Variants in ACOX2 observed in about 807,000 individuals in gnomAD.
The protein encoded by ACOX2 is acyl-CoA oxidase 2, also known as peroxisomal acyl-coenzyme A oxidase 2.
A neutral mutation model predicts 77.5 loss-of-function variants in ACOX2; 59 were observed. The ratio of observed to expected loss-of-function variants is 0.76; its 90% CI spans 0.62 to 0.95. The LOEUF (loss-of-function observed/expected upper bound fraction) is 0.95. ACOX2 is among the 40% of genes least tolerant of loss of function. ACOX2 has a pLI of 0.00. For synonymous variants in ACOX2, 317 were observed against 340.1 expected (o/e 0.93, Z 0.75); for missense variants, 837 against 880.4 (o/e 0.95, Z 0.62).
At chr3:58,511,165 C>T in intron 13 of ACOX2, 1 of 389,270 alleles carries the variant, frequency 2.6e-6, no homozygotes, top group Non-Finnish European at 5.1e-6. Context: ...CCCTCCTTGT[C>T]TACTAGATGT....
At position 58,531,805 on chromosome 3, in the gene ACOX2, C is replaced by T; in HGVS notation, c.591G>A (p.Arg197=). The change falls in exon 6 of 15, where the codon CGG becomes CGA. Residue 197 remains arginine, a synonymous_variant. Transcript: ENST00000302819. The surrounding 1 kb of genome is among the most constrained non-coding windows in gnomAD (Gnocchi z 5.8). ...ATKWWPGDLG[R]SATHALVQAQ... ...CCTGGACCAGGGCATGGGTGGCTGA[C>T]CGTCCCACTGAGGGCAGAGAGAGTA... is the stretch of plus-strand genomic sequence containing the variant. 6.2e-7 allele frequency: 1 copy of T among 1,613,580 alleles called. No individual in the cohort carries two copies. Among genetic ancestry groups the T allele is most frequent in the Non-Finnish European group, 8.5e-7 (1 of 1,179,822 alleles).
Position 58,531,630 on chromosome 3 carries a change from G to C in ACOX2, c.703+63C>G. The C allele has an allele frequency of 6.3e-7, 1 of 1,587,096 alleles. No individual in the cohort carries two copies. On this transcript the variant is annotated intron_variant, in intron 6 of 14. Transcript: ENST00000302819. This position sits in a 1 kb window ranked among gnomAD's most constrained non-coding sequence, Gnocchi z 5.8. ...CTCCTGTGGCCCTCTGGGGCCCCAG[G>C]TCAGGGAGGCCACCTGGGCTCTCCT... is the stretch of plus-strand genomic sequence containing the variant.
At chr3:58,508,810 A>G in intron 14 of ACOX2, 83 bp downstream of exon 14, 3 of 1,542,402 alleles carry the variant, frequency 1.9e-6, no homozygotes, top group East Asian at 4.5e-5. Flanking sequence ...ACGGGAATCA[A>G]TTAAAATGGG....
chr3:58,524,285 A>G lies in ACOX2; in HGVS notation c.1526+141T>C. On this transcript the variant is annotated intron_variant, in intron 11 of 14. Transcript: ENST00000302819. This position sits in a 1 kb window ranked among gnomAD's most constrained non-coding sequence, Gnocchi z 5.5. ...CCCTCTCTCTGCCCATGGTGGCAGG[A>G]ACTGAGAGGACCGGGGAGGCTAGGC... The G allele has an allele frequency of 9.3e-7, 1 of 1,078,720 alleles. No homozygotes were observed. Among genetic ancestry groups the G allele is most frequent in the East Asian group, 2.6e-5 (1 of 38,298 alleles). 66.8% of individuals were successfully genotyped at this position (1,078,720 alleles called of 1,614,324 possible). A position where few individuals can be genotyped will look rare whatever the true frequency, so the allele number is the denominator to read the frequency against.
intron 13 of ACOX2, among the ~76,000 whole-genome samples, chr3:58,509,629 A>AGACAGAG (rs2063263368): frequency 2.5e-5 from 1 of 39,320 alleles, no homozygotes; most frequent in Non-Finnish European, 5.5e-5. Context: ...TTTTTTTTTG[A>AGACAGAG]TACAGAGTCT....
chr3:58,534,743 C>T lies in ACOX2; in HGVS notation c.160+204G>A, dbSNP rs559350392. ...GGACCAGAATCCAGGTCTTCTGCTG[C>T]CTAGGACTCTTCTATCCCCTAGGTG... is the stretch of plus-strand genomic sequence containing the variant. On this transcript the variant is annotated intron_variant, in intron 2 of 14. Coordinates refer to ENST00000302819, the MANE Select transcript of ACOX2 (RefSeq NM_003500.4). This position sits in a 1 kb window ranked among gnomAD's most constrained non-coding sequence, Gnocchi z 4.8. 2 of 1,335,550 alleles carry T rather than the reference C, an allele frequency of 1.5e-6. No individual in the cohort carries two copies. Among genetic ancestry groups the T allele is most frequent in the Admixed American group, 1.9e-5 (1 of 51,922 alleles). The allele number at this position is 1,335,550 out of a possible 1,614,324, so 82.7% of individuals were successfully genotyped here. A position where few individuals can be genotyped will look rare whatever the true frequency, so the allele number is the denominator to read the frequency against.
rs954818327 is a variant in ACOX2, at chr3:58,519,886, C to A, written c.1633-2463G>T. Among the ~76,000 whole-genome samples the A allele has an allele frequency of 6.6e-6, 1 of 152,226 alleles. No individual in the cohort carries two copies. Among genetic ancestry groups the A allele is most frequent in the Admixed American group, 6.5e-5 (1 of 15,288 alleles). ...GGTCCAGCTTGGCAGAACTGCGGAC[C>A]CGCACTCCTTTTCCTGTCCTAATCT... On this transcript the variant is annotated intron_variant, in intron 12 of 14. Transcript: ENST00000302819. This position sits in a 1 kb window ranked among gnomAD's most constrained non-coding sequence, Gnocchi z 5.0.
Position 58,522,357 on chromosome 3 carries a change from A to T in ACOX2, c.1632+139T>A. 1.3e-6 allele frequency: 1 copy of T among 746,798 alleles called. No individual in the cohort carries two copies. The highest frequency in any genetic ancestry group is 2.2e-6 in the Non-Finnish European group (1 of 449,700). 46.3% of individuals were successfully genotyped at this position (746,798 alleles called of 1,614,324 possible). A position where few individuals can be genotyped will look rare whatever the true frequency, so the allele number is the denominator to read the frequency against. Reference sequence around the variant, plus strand: ...TCCTTTAATTAAAATACCCTGGACTAAAGCCTTGGAAGTGAAATGAGGGCA... The same window carrying T: ...TCCTTTAATTAAAATACCCTGGACTTAAGCCTTGGAAGTGAAATGAGGGCA... On this transcript the variant is annotated intron_variant, in intron 12 of 14. Transcript: ENST00000302819. This position sits in a 1 kb window ranked among gnomAD's most constrained non-coding sequence, Gnocchi z 4.3.
chr3:58,524,551 CTG>C lies in ACOX2; in HGVS notation c.1399_1400del (p.Gln467GlufsTer14). 3.1e-6 allele frequency: 5 copies of C among 1,614,198 alleles called. No individual in the cohort carries two copies. The highest frequency in any genetic ancestry group is 4.2e-6 in the Non-Finnish European group (5 of 1,180,034). ...ATGCGACAGATGGAGAGAGAGATCT[CTG>C]TGGCGTGGAGCCAGGGGACATCTGA... The part of the protein sequence containing the change: ...QTQMSPGSTP[Q>X]RSLSPSVAYL... On this transcript the variant is annotated frameshift_variant, in exon 11 of 15. Transcript: ENST00000302819. LOFTEE classifies it high-confidence loss of function. The surrounding 1 kb of genome is among the most constrained non-coding windows in gnomAD (Gnocchi z 5.5).
rs777468030 is a variant in ACOX2 at position 58,522,562 on chromosome 3, C to T, written c.1566G>A (p.Thr522=). The change falls in exon 12 of 15, where the codon ACG becomes ACA. Residue 522 remains threonine, a synonymous_variant. Transcript: ENST00000302819. The surrounding 1 kb of genome is among the most constrained non-coding windows in gnomAD (Gnocchi z 4.3). Reference sequence around the variant, plus strand: ...CCTCGTGCTGGTCAGCTCCGGATTGCGTCAGGGTCTGTAAATGCTGCACTG... The same window carrying T: ...CCTCGTGCTGGTCAGCTCCGGATTGTGTCAGGGTCTGTAAATGCTGCACTG... ...KDSVQHLQTL[T]QSGADQHEAW... 30 of 1,614,030 alleles carry T rather than the reference C, an allele frequency of 1.9e-5. No homozygotes were observed. The highest frequency in any genetic ancestry group is 2.5e-5 in the Non-Finnish European group (29 of 1,180,032).
At position 58,531,909 on chromosome 3, in the gene ACOX2, C is replaced by T; in HGVS notation, c.584-97G>A. ...CTGGGGCTGGGGTTTTGGATGGGTA[C>T]CTCTGGGGCCCTGAAAAGTCACTGA... On this transcript the variant is annotated intron_variant, in intron 5 of 14. Coordinates refer to ENST00000302819, the MANE Select transcript of ACOX2 (RefSeq NM_003500.4). This position sits in a 1 kb window ranked among gnomAD's most constrained non-coding sequence, Gnocchi z 5.8. 1 of 1,438,006 alleles carries T rather than the reference C, an allele frequency of 7.0e-7. No homozygotes were observed. Among genetic ancestry groups the T allele is most frequent in the East Asian group, 2.5e-5 (1 of 40,232 alleles). The allele number at this position is 1,438,006 out of a possible 1,614,324, so 89.1% of individuals were successfully genotyped here. A position where few individuals can be genotyped will look rare whatever the true frequency, so the allele number is the denominator to read the frequency against.
rs2063357093 is a variant in ACOX2, at chr3:58,521,333, C to T, written c.1632+1163G>A. 6.6e-6 allele frequency among the ~76,000 whole-genome samples: 1 copy of T among 152,210 alleles called. No homozygotes were observed. Among genetic ancestry groups the T allele is most frequent in the African/African-American group, 2.4e-5 (1 of 41,450 alleles). On this transcript the variant is annotated intron_variant, in intron 12 of 14. Transcript: ENST00000302819. This position sits in a 1 kb window ranked among gnomAD's most constrained non-coding sequence, Gnocchi z 4.8. ...TCAGGGCTCTCCTGTTCCAAGGCTGCCATTTTCTGGGTCTGAGGCCTGAGG... is the reference window on the plus strand; with the variant it reads ...TCAGGGCTCTCCTGTTCCAAGGCTGTCATTTTCTGGGTCTGAGGCCTGAGG...
At chr3:58,510,444 C>T (rs2063270157) in intron 13 of ACOX2, among the ~76,000 whole-genome samples, 1 of 151,034 alleles carries the variant, frequency 6.6e-6, no homozygotes, top group South Asian at 2.1e-4. Flanking sequence ...ACCAGCCTGG[C>T]CAACATGGCG....
At chr3:58,532,714 G>T (rs1205723955) in intron 5 of ACOX2, among the ~76,000 whole-genome samples, 1 of 152,064 alleles carries the variant, frequency 6.6e-6, no homozygotes, top group Non-Finnish European at 1.5e-5. Flanking sequence ...TCTGGTCTCT[G>T]CCTGTGTCTC....
In ACOX2 at chr3:58,524,966, G is replaced by C. The variant is rs1324223934; in HGVS notation, c.1347-361C>G. On this transcript the variant is annotated intron_variant, in intron 10 of 14. Coordinates refer to ENST00000302819, the MANE Select transcript of ACOX2 (RefSeq NM_003500.4). This position sits in a 1 kb window ranked among gnomAD's most constrained non-coding sequence, Gnocchi z 5.5. Reference sequence around the variant, plus strand: ...AATTAAATTTTCTTAGCTGAAAAAAGAAGGATAGAGGCAAGAATGCTAACA... The same window carrying C: ...AATTAAATTTTCTTAGCTGAAAAAACAAGGATAGAGGCAAGAATGCTAACA... Among the ~76,000 whole-genome samples, 1 of 152,202 alleles carries C rather than the reference G, an allele frequency of 6.6e-6. No homozygotes were observed. The highest frequency in any genetic ancestry group is 1.5e-5 in the Non-Finnish European group (1 of 68,034).
In ACOX2 at chr3:58,533,476, C is replaced by T. The variant is rs779275491; in HGVS notation, c.552G>A (p.Thr184=). ...ATQEFVIHSP[T]LTATKWWPGD... ...CAGGCCACCATTTGGTGGCAGTCAG[C>T]GTGGGGCTGTGTATCACAAACTCCT... The change falls in exon 5 of 15, where the codon ACG becomes ACA. Residue 184 remains threonine (T), a synonymous_variant. Coordinates refer to ENST00000302819, the MANE Select transcript of ACOX2 (RefSeq NM_003500.4). The surrounding 1 kb of genome is among the most constrained non-coding windows in gnomAD (Gnocchi z 5.6). The T allele has an allele frequency of 1.3e-5, 21 of 1,613,754 alleles. No homozygotes were observed. In the East Asian group the frequency reaches 2.7e-4, roughly 21 times the overall value.
chr3:58,531,768 A>G lies in ACOX2; in HGVS notation c.628T>C (p.Cys210Arg), dbSNP rs2063441990. Reference sequence around the variant, plus strand: ...TGCATGCCCCGCCTGGCTCCTGAGCAGATCAGCTGGGCCTGGACCAGGGCA... The same window carrying G: ...TGCATGCCCCGCCTGGCTCCTGAGCGGATCAGCTGGGCCTGGACCAGGGCA... ...THALVQAQLI[C>R]SGARRGMHAF... The change falls in exon 6 of 15, where the codon TGC becomes CGC. Residue 210 changes from cysteine to arginine, a missense_variant. Transcript: ENST00000302819. This position sits in a 1 kb window ranked among gnomAD's most constrained non-coding sequence, Gnocchi z 5.8. 6.2e-7 allele frequency: 1 copy of G among 1,614,170 alleles called. No homozygotes were observed. The highest frequency in any genetic ancestry group is 8.5e-7 in the Non-Finnish European group (1 of 1,180,016).
Position 58,533,745 on chromosome 3 carries a change from T to G in ACOX2, c.476-193A>C, listed in dbSNP as rs1042279177. 1 of 666,516 alleles carries G rather than the reference T, an allele frequency of 1.5e-6. No individual in the cohort carries two copies. Among genetic ancestry groups the G allele is most frequent in the African/African-American group, 1.8e-5 (1 of 54,868 alleles). The allele number at this position is 666,516 out of a possible 1,614,324, so 41.3% of individuals were successfully genotyped here. ...GGGACACACAGTCCCCTATAGCCAG[T>G]CCATGAGAAGGGGTGGCTGCTGATG... On this transcript the variant is annotated intron_variant, in intron 4 of 14. Coordinates refer to ENST00000302819, the MANE Select transcript of ACOX2 (RefSeq NM_003500.4). This position sits in a 1 kb window ranked among gnomAD's most constrained non-coding sequence, Gnocchi z 5.6.
In ACOX2 at chr3:58,523,364, A is replaced by T. The variant is rs369139780; in HGVS notation, c.1527-763T>A. Among the ~76,000 whole-genome samples the T allele has an allele frequency of 5.9e-5, 9 of 152,268 alleles. No homozygotes were observed. In the East Asian group the frequency reaches 1.4e-3, roughly 23 times the overall value. On this transcript the variant is annotated intron_variant, in intron 11 of 14. Coordinates refer to ENST00000302819, the MANE Select transcript of ACOX2 (RefSeq NM_003500.4). This position sits in a 1 kb window ranked among gnomAD's most constrained non-coding sequence, Gnocchi z 5.3. Reference sequence around the variant, plus strand: ...ATCTCCCAATTGAAATGTTAGCTCTATGAGTTTGGGGTGTTTATCAGGCCT... The same window carrying T: ...ATCTCCCAATTGAAATGTTAGCTCTTTGAGTTTGGGGTGTTTATCAGGCCT...
Sources: allele counts gnomAD v4.1 joint callset (sites outside exome capture counted in the v4.1 genomes callset), GRCh38; gene constraint gnomAD v4.1.1; non-coding constraint Gnocchi (gnomAD v3.1); transcripts MANE v1.5; gene names NCBI Gene and HGNC (gene_info 2026-07-23, HGNC 2026-07-21).